PRMT9: variants seen among roughly 807,000 people sequenced by gnomAD.
The protein encoded by PRMT9 is protein arginine methyltransferase 9, also known as protein arginine N-methyltransferase 9.
PRMT9 carries 59 observed loss-of-function variants against 83.2 expected under a neutral mutation model. The ratio of observed to expected loss-of-function variants is 0.71; its 90% confidence interval spans 0.57 to 0.88. The LOEUF (loss-of-function observed/expected upper bound fraction) is 0.88. Ranked by LOEUF, PRMT9 falls within the 40% of genes least tolerant of loss-of-function variation. The pLI is 0.00. For synonymous variants in PRMT9, 333 were observed against 353.2 expected (o/e 0.94, Z 0.64); for missense variants, 947 against 1,021.9 (o/e 0.93, Z 1.00).
rs1011667531 is a variant in PRMT9 at position 147,641,834 on chromosome 4, G to A, written c.2199+953C>T. The stretch of plus-strand genomic sequence containing the variant: ...GCACCACCACACCCAGATAATTTTT[G>A]TATTTTTTGTAGAGACAGGGTTTCC... On this transcript the variant is annotated intron_variant, in intron 10 of 11. Coordinates refer to ENST00000322396, the MANE Select transcript of PRMT9 (RefSeq NM_138364.4). Among the ~76,000 whole-genome samples, 4 of 151,870 alleles carry A rather than the reference G, an allele frequency of 2.6e-5. No individual in the cohort carries two copies. The South Asian group carries it at 8.3e-4, about 32-fold the overall frequency.
At chr4:147,646,653 G>A (rs1457710780) in intron 9 of PRMT9, among the ~76,000 whole-genome samples, 1 of 151,368 alleles carries the variant, frequency 6.6e-6, no homozygotes, top group Non-Finnish European at 1.5e-5. Context: ...AAGTGGTGGT[G>A]GGCTGGGGAG....
At chr4:147,649,025 A>G (rs1733920969) in intron 9 of PRMT9, among the ~76,000 whole-genome samples, 1 of 152,240 alleles carries the variant, frequency 6.6e-6, no homozygotes, top group Admixed American at 6.5e-5. Context: ...ATGATACTTC[A>G]GAACCATCCA....
intron 2 of PRMT9, among the ~76,000 whole-genome samples, chr4:147,677,808 C>A (rs1736189574): frequency 6.6e-6 from 1 of 151,990 alleles, no homozygotes; most frequent in South Asian, 2.1e-4. Flanking sequence ...CACATCAAAT[C>A]TCAAAATTTT....
At chr4:147,680,667 A>G (rs1322859599) in intron 1 of PRMT9, among the ~76,000 whole-genome samples, 196 bp from the exon 2 acceptor site, 4 of 152,212 alleles carry the variant, frequency 2.6e-5, no homozygotes, top group Non-Finnish European at 5.9e-5. Flanking sequence ...CATGGCAATA[A>G]TAAGCAGAAT....
chr4:147,673,181 A>G, intron 3 of PRMT9, 55 bp from the exon 4 acceptor site: 1 of 1,530,214 alleles, frequency 6.5e-7, no homozygotes, highest in South Asian at 1.1e-5. Context: ...TATTTTCTCA[A>G]ATTTTAAGGA....
chr4:147,660,831 C>T lies in PRMT9; in HGVS notation c.1146+15G>A. On this transcript the variant is annotated intron_variant, in intron 7 of 11. Coordinates refer to ENST00000322396, the MANE Select transcript of PRMT9 (RefSeq NM_138364.4). ...GAAATTTAATGCTTGAAAATAGTAA[C>T]TGAATTTTTTTCACCTGAAGGTTGT... 6.4e-7 allele frequency: 1 copy of T among 1,573,076 alleles called. No individual in the cohort carries two copies. The highest frequency in any genetic ancestry group is 8.8e-7 in the Non-Finnish European group (1 of 1,142,834).
intron 10 of PRMT9, among the ~76,000 whole-genome samples, chr4:147,641,665 TGTA>T (rs1312911895): frequency 6.6e-6 from 1 of 152,138 alleles, no homozygotes; most frequent in Non-Finnish European, 1.5e-5. Context: ...TAAATGTACA[TGTA>T]GTAGACATTC....
chr4:147,666,086 A>G (rs910174241), intron 6 of PRMT9, among the ~76,000 whole-genome samples: 3 of 152,246 alleles, frequency 2.0e-5, no homozygotes, highest in African/African-American at 7.2e-5. Flanking sequence ...ATGAGAAAAT[A>G]AGATATCAAA....
At chr4:147,646,399 C>A (rs979840400) in intron 9 of PRMT9, among the ~76,000 whole-genome samples, 1 of 152,052 alleles carries the variant, frequency 6.6e-6, no homozygotes, top group African/African-American at 2.4e-5. Context: ...AATTAGCAAG[C>A]TAAAAAAGCA....
intron 2 of PRMT9, among the ~76,000 whole-genome samples, chr4:147,677,445 ATTTTTTTTTTTTT>A (rs11321232): frequency 1.4e-5 from 1 of 70,778 alleles, no homozygotes; most frequent in African/African-American, 4.9e-5. Flanking sequence ...GACAGGTAGA[ATTTTTTTTTTTTT>A]TTTTTTTTTT....
chr4:147,654,035 A>G lies in PRMT9; in HGVS notation c.1862T>C (p.Leu621Pro). The change falls in exon 9 of 12, where the codon CTC (leucine) becomes CCC (proline). Residue 621 changes from leucine (L) to proline (P), a missense_variant. By Grantham distance (98) the Leu-to-Pro change is moderately conservative (BLOSUM62 -3). Coordinates refer to ENST00000322396, the MANE Select transcript of PRMT9 (RefSeq NM_138364.4). ...EKDQHRIALD[L>P]ISEANHFPKE... The stretch of plus-strand genomic sequence containing the variant: ...AGGAAAGTGATTGGCTTCAGATATG[A>G]GGTCCAGAGCAATACGATGCTGGTC... The G allele has an allele frequency of 6.2e-7, 1 of 1,614,244 alleles. No homozygotes were observed. Among genetic ancestry groups the G allele is most frequent in the South Asian group, 1.1e-5 (1 of 91,086 alleles).
chr4:147,669,217 T>C (rs1367222614), intron 5 of PRMT9, among the ~76,000 whole-genome samples: 1 of 142,808 alleles, frequency 7.0e-6, no homozygotes, highest in Non-Finnish European at 1.5e-5. Flanking sequence ...AGCAAGACCC[T>C]GTCTCTACAG....
chr4:147,682,240 C>T (rs889692036), intron 1 of PRMT9, among the ~76,000 whole-genome samples: 20 of 152,002 alleles, frequency 1.3e-4, no homozygotes, highest in African/African-American at 3.9e-4. Context: ...AGCGCAATGG[C>T]GTGATCTCGG....
chr4:147,683,730 T>TTG, intron 1 of PRMT9, 69 bp downstream of exon 1: 1 of 1,357,944 alleles, frequency 7.4e-7, no homozygotes, highest in Non-Finnish European at 1.0e-6. Flanking sequence ...CTTTTTTTTT[T>TTG]TTCTGTTTTT....
At chr4:147,668,704 AATG>A (rs1336070258) in intron 5 of PRMT9, 59 bp from the exon 6 acceptor site, 3 of 937,674 alleles carry the variant, frequency 3.2e-6, no homozygotes, top group East Asian at 4.9e-5. Context: ...GTGTGTGCAT[AATG>A]ATAAGCTATG....
chr4:147,670,476 G>A (rs1479485372), intron 5 of PRMT9, among the ~76,000 whole-genome samples, 165 bp downstream of exon 5: 7 of 152,146 alleles, frequency 4.6e-5, no homozygotes, highest in African/African-American at 1.7e-4. Flanking sequence ...ACTGCACCCG[G>A]CCAGTAAAAG....
chr4:147,661,650 C>T (rs759180105), intron 6 of PRMT9, among the ~76,000 whole-genome samples: 4 of 152,006 alleles, frequency 2.6e-5, no homozygotes, highest in South Asian at 4.2e-4. Flanking sequence ...ATTAGCCGGG[C>T]GTGTTGGCGG....
intron 1 of PRMT9, among the ~76,000 whole-genome samples, chr4:147,681,595 T>G (rs1037037837): frequency 6.6e-6 from 1 of 152,022 alleles, no homozygotes; most frequent in Non-Finnish European, 1.5e-5. Context: ...AAGACCAGCA[T>G]GGCCAACACG....
At position 147,642,733 on chromosome 4, in the gene PRMT9, C is replaced by T. The variant is rs969997253; in HGVS notation, c.2199+54G>A. ...GATTAAACAGTGACTAAAGAGAGAG[C>T]GATGGTAGACTGTTCAACAGCATCC... On this transcript the variant is annotated intron_variant, in intron 10 of 11. Transcript: ENST00000322396. 42 of 1,450,042 alleles carry T rather than the reference C, an allele frequency of 2.9e-5. No individual in the cohort carries two copies. The East Asian group carries it at 3.9e-4, about 13-fold the overall frequency. 89.8% of individuals were successfully genotyped at this position (1,450,042 alleles called of 1,614,324 possible). A position where few individuals can be genotyped will look rare whatever the true frequency, so the allele number is the denominator to read the frequency against.
Sources: gnomAD v4.1 joint callset for allele counts (sites outside exome capture counted in the v4.1 genomes callset) on GRCh38, gnomAD v4.1.1 for gene constraint, MANE v1.5 for transcripts, NCBI Gene and HGNC (gene_info 2026-07-23, HGNC 2026-07-21) for gene names.